TP53I11: variants seen among roughly 807,000 people sequenced by gnomAD.
TP53I11 encodes tumor protein p53 inducible protein 11.
TP53I11 carries 9 observed loss-of-function variants against 23.3 expected under a neutral mutation model. The ratio of observed to expected loss-of-function variants is 0.39; its 90% confidence interval spans 0.23 to 0.67. TP53I11 has a LOEUF of 0.67. Ranked by LOEUF, TP53I11 falls within the 30% of genes least tolerant of loss-of-function variation. The probability of loss-of-function intolerance (pLI) is 0.48; values close to 1 mark genes in which losing one functional copy is unlikely to be tolerated. For missense variants in TP53I11, 170 were observed against 255.2 expected, an observed-to-expected ratio of 0.67 and a Z score of 2.27; for synonymous variants, 100 against 106.1, an observed-to-expected ratio of 0.94 and a Z score of 0.35.
At chr11:44,950,571 C>A (rs902787513) in intron 1 of TP53I11, 106 bp downstream of exon 1, 7 of 151,858 alleles carry the variant, frequency 4.6e-5, no homozygotes, top group African/African-American at 1.4e-4. Context: ...CGCCCCTCTG[C>A]GGTCCCGTCG....
chr11:44,934,950 G>A lies in TP53I11; in HGVS notation c.504C>T (p.Arg168=), dbSNP rs1374174517. 4 of 1,614,132 alleles carry A rather than the reference G, an allele frequency of 2.5e-6. No homozygotes were observed. Among genetic ancestry groups the A allele is most frequent in the Admixed American group, 1.7e-5 (1 of 60,028 alleles). The change falls in exon 7 of 7, where the codon CGC becomes CGT. Residue 168 remains arginine, a synonymous_variant. Transcript: ENST00000525680. ...SLGILLLLVS[R]LLFVVISIYY... ...AAATGCTGATGACGACAAAAAGGAGGCGGCTGACCAGGAGCAGCAGGATCC... is the reference window on the plus strand; with the variant it reads ...AAATGCTGATGACGACAAAAAGGAGACGGCTGACCAGGAGCAGCAGGATCC...
In TP53I11 at chr11:44,938,281, C is replaced by G; in HGVS notation, c.55G>C (p.Val19Leu). 1 of 1,612,802 alleles carries G rather than the reference C, an allele frequency of 6.2e-7. No individual in the cohort carries two copies. Among genetic ancestry groups the G allele is most frequent in the Non-Finnish European group, 8.5e-7 (1 of 1,179,548 alleles). ...LMKKHSQTDL[V>L]SRLKTRKILG... ...ATCTTGCGGGTCTTCAGGCGGCTCA[C>G]GAGGTCCGTCTGGCTGTGCTTCTTC... is the stretch of plus-strand genomic sequence containing the variant. Residue 19 changes from valine (V) to leucine (L), a missense_variant, in exon 2 of 7, where the codon GTG (valine) becomes CTG (leucine). By Grantham distance (32) the Val-to-Leu change is conservative. Transcript: ENST00000525680.
At chr11:44,949,989 AG>A (rs1159343143) in intron 1 of TP53I11, 3 of 152,184 alleles carry the variant, frequency 2.0e-5, no homozygotes, top group Non-Finnish European at 4.4e-5. Flanking sequence ...TCTGAGACCC[AG>A]GCCTCAGCGC....
At chr11:44,943,706 C>CA (rs1173671098) in intron 1 of TP53I11, among the ~76,000 whole-genome samples, 2 of 152,218 alleles carry the variant, frequency 1.3e-5, no homozygotes, top group African/African-American at 4.8e-5. Flanking sequence ...TCACGGGTCT[C>CA]AGTGTCTGCA....
intron 1 of TP53I11, among the ~76,000 whole-genome samples, chr11:44,942,248 C>CTA (rs879460880): frequency 0.057 from 7,853 of 138,950 alleles, 239 homozygotes; most frequent in Middle Eastern, 0.13. Flanking sequence ...ACCACACACA[C>CTA]CCACACACTA....
chr11:44,947,250 C>G lies in TP53I11; in HGVS notation c.-32+3427G>C. On this transcript the variant is annotated intron_variant, in intron 1 of 6. Coordinates refer to ENST00000525680, the MANE Select transcript of TP53I11 (RefSeq NM_006034.5). ...CATGAAGAATTCCTGTCCTTTTCGACTCTGAGAATAGGCCAGCCTGCCCCT... is the reference window on the plus strand; with the variant it reads ...CATGAAGAATTCCTGTCCTTTTCGAGTCTGAGAATAGGCCAGCCTGCCCCT... The G allele has an allele frequency of 1.0e-5, 4 of 399,068 alleles. No homozygotes were observed. In the East Asian group the frequency reaches 2.9e-4, roughly 29 times the overall value. The allele number at this position is 399,068 out of a possible 1,614,324, so 24.7% of individuals were successfully genotyped here.
Position 44,934,865 on chromosome 11 carries a change from C to A in TP53I11, c.*19G>T, listed in dbSNP as rs143816122. The A allele has an allele frequency of 3.3e-4, 536 of 1,613,672 alleles. 1 individual carries two copies. The African/African-American group carries it at 6.3e-3, about 19-fold the overall frequency. The stretch of plus-strand genomic sequence containing the variant: ...CACTCTGGCCCAGGCATGGGCAGGG[C>A]CCCAGGCCCAGCGGGCAACTAGGCC... On this transcript the variant is annotated 3_prime_UTR_variant, in exon 7 of 7. Transcript: ENST00000525680.
chr11:44,938,327 G>T lies in TP53I11; in HGVS notation c.9C>A (p.Ala3=). 2 of 1,601,266 alleles carry T rather than the reference G, an allele frequency of 1.2e-6. No individual in the cohort carries two copies. The highest frequency in any genetic ancestry group is 1.7e-6 in the Non-Finnish European group (2 of 1,174,404). MA[A]KQPPPLMKKH... is the part of the protein sequence containing the mutation. ...TCTTCATCAGAGGCGGGGGCTGCTT[G>T]GCCGCCATCTTCTCCTCCAGCCCGG... Residue 3 remains alanine (A), a synonymous_variant, in exon 2 of 7, where the codon GCC becomes GCA. Coordinates refer to ENST00000525680, the MANE Select transcript of TP53I11 (RefSeq NM_006034.5).
chr11:44,938,134 T>TA lies in TP53I11; in HGVS notation c.129+72dup, dbSNP rs1345747004. ...CTCCTGCGGCTACCTGGGCCTGGGC[T>TA]AACCTTCTCCCCTAATGGTGGGTCA... On this transcript the variant is annotated intron_variant, in intron 2 of 6. Transcript: ENST00000525680. 3 of 1,512,782 alleles carry TA rather than the reference T, an allele frequency of 2.0e-6. No homozygotes were observed. In the African/African-American group the frequency reaches 4.2e-5, roughly 21 times the overall value. The allele number at this position is 1,512,782 out of a possible 1,614,324, so 93.7% of individuals were successfully genotyped here. A position where few individuals can be genotyped will look rare whatever the true frequency, so the allele number is the denominator to read the frequency against.
At position 44,936,975 on chromosome 11, in the gene TP53I11, G is replaced by A. The variant is rs1012330611; in HGVS notation, c.238-76C>T. 1.3e-5 allele frequency: 14 copies of A among 1,071,896 alleles called. No individual in the cohort carries two copies. The highest frequency in any genetic ancestry group is 9.6e-5 in the African/African-American group (6 of 62,358). The allele number at this position is 1,071,896 out of a possible 1,614,324, so 66.4% of individuals were successfully genotyped here. A position where few individuals can be genotyped will look rare whatever the true frequency, so the allele number is the denominator to read the frequency against. ...GTGACAGCTGATGCTTCCCACAGACGTCTTCCTTCCCCGCCAGGAGCAGGA... is the reference window on the plus strand; with the variant it reads ...GTGACAGCTGATGCTTCCCACAGACATCTTCCTTCCCCGCCAGGAGCAGGA... On this transcript the variant is annotated intron_variant, in intron 4 of 6. Transcript: ENST00000525680. The surrounding 1 kb of genome is among the most constrained non-coding windows in gnomAD (Gnocchi z 4.4).
In TP53I11 at chr11:44,932,588, C is replaced by G. The variant is rs543024604; in HGVS notation, c.*2296G>C. 1 of 152,364 alleles carries G rather than the reference C, an allele frequency of 6.6e-6. No homozygotes were observed. The highest frequency in any genetic ancestry group is 2.1e-4 in the South Asian group (1 of 4,842). The allele number at this position is 152,364 out of a possible 1,614,324, so 9.4% of individuals were successfully genotyped here. ...AGCTTTCCTCGCTGGACTTAAGGGC[C>G]CCTGTCCCTCACCCCTCTGCCACTG... On this transcript the variant is annotated 3_prime_UTR_variant, in exon 7 of 7. Transcript: ENST00000525680.
At chr11:44,935,510 CA>C (rs1181456045) in intron 6 of TP53I11, 50 bp downstream of exon 6, 1 of 1,553,612 alleles carries the variant, frequency 6.4e-7, no homozygotes, top group Non-Finnish European at 8.9e-7. Flanking sequence ...GCAGGCAGGT[CA>C]GGGGCGAAGC....
chr11:44,936,908 A>G lies in TP53I11; in HGVS notation c.238-9T>C, dbSNP rs770002013. On this transcript the variant is annotated splice_polypyrimidine_tract_variant and intron_variant, in intron 4 of 6. Transcript: ENST00000525680. The surrounding 1 kb of genome is among the most constrained non-coding windows in gnomAD (Gnocchi z 4.4). ...TCAGGGAAGGCAAGCGCCTGCGGGC[A>G]GCGAGAGGGGCTCAGAGGTCCCGCT... is the stretch of plus-strand genomic sequence containing the variant. The G allele has an allele frequency of 6.3e-7, 1 of 1,596,330 alleles. No homozygotes were observed. Among genetic ancestry groups the G allele is most frequent in the Non-Finnish European group, 8.5e-7 (1 of 1,172,166 alleles).
At chr11:44,951,187 G>A (rs1387154871), upstream of TP53I11, 2 of 152,468 alleles carry the variant, frequency 1.3e-5, no homozygotes, top group African/African-American at 2.4e-5. Flanking sequence ...TTCTTGGGAC[G>A]ATCAACGTAG....
At chr11:44,939,805 C>T (rs1240350616) in intron 1 of TP53I11, among the ~76,000 whole-genome samples, 1 of 152,232 alleles carries the variant, frequency 6.6e-6, no homozygotes, top group Non-Finnish European at 1.5e-5. Context: ...AACTACCCTC[C>T]TACGCCCCCT....
intron 1 of TP53I11, among the ~76,000 whole-genome samples, chr11:44,946,441 C>G (rs1040824000): frequency 3.3e-5 from 5 of 152,244 alleles, no homozygotes; most frequent in Admixed American, 6.5e-5. Context: ...TCTTCCTCAT[C>G]ATCTCAGCAT....
chr11:44,934,540 G>A lies in TP53I11; in HGVS notation c.*344C>T, dbSNP rs538596637. ...TCCTGGCAGAAGAGGCTGGACCCTC[G>A]ACTTAGCCCACTACCCTCATGACTC... is the stretch of plus-strand genomic sequence containing the variant. On this transcript the variant is annotated 3_prime_UTR_variant, in exon 7 of 7. Transcript: ENST00000525680. The A allele has an allele frequency of 2.0e-4, 45 of 230,076 alleles. No individual in the cohort carries two copies. The highest frequency in any genetic ancestry group is 7.7e-4 in the African/African-American group (35 of 45,298). The allele number at this position is 230,076 out of a possible 1,614,324, so 14.3% of individuals were successfully genotyped here.
intron 1 of TP53I11, among the ~76,000 whole-genome samples, chr11:44,944,954 T>C (rs1321289888): frequency 6.6e-6 from 1 of 152,216 alleles, no homozygotes; most frequent in East Asian, 1.9e-4. Flanking sequence ...GCCTGGTTTC[T>C]ATAGAAACAG....
chr11:44,943,927 C>T lies in TP53I11; in HGVS notation c.-31-5561G>A, dbSNP rs561689986. Among the ~76,000 whole-genome samples, 10 of 152,294 alleles carry T rather than the reference C, an allele frequency of 6.6e-5. No homozygotes were observed. The East Asian group carries it at 1.5e-3, about 24-fold the overall frequency. On this transcript the variant is annotated intron_variant, in intron 1 of 6. Transcript: ENST00000525680. ...CACACTCAGAAGCCCACAGGTTAGA[C>T]GTGGCGGGCTGAGGGGAGGCTGTGC...
Sources: gnomAD v4.1 joint callset for allele counts (sites outside exome capture counted in the v4.1 genomes callset) on GRCh38, gnomAD v4.1.1 for gene constraint, Gnocchi (gnomAD v3.1) non-coding constraint, MANE v1.5 for transcripts, NCBI Gene and HGNC (gene_info 2026-07-23, HGNC 2026-07-21) for gene names.